SVOPL: variants seen among roughly 807,000 people sequenced by gnomAD.
SVOPL encodes SVOP like.
SVOPL carries 60 observed loss-of-function variants against 61.0 expected under a neutral mutation model. The ratio of observed to expected loss-of-function variants is 0.98; its 90% confidence interval spans 0.80 to 1.22. SVOPL has a LOEUF of 1.22. SVOPL is among the 50% of genes most tolerant of loss of function. The pLI is 0.00. For synonymous variants in SVOPL, 279 were observed against 250.0 expected, an observed-to-expected ratio of 1.12 and a Z score of -1.09; for missense variants, 662 against 643.9, an observed-to-expected ratio of 1.03 and a Z score of -0.30.
intron 1 of SVOPL, 122 bp from the exon 2 acceptor site, chr7:138,679,201 AT>A: frequency 3.1e-6 from 2 of 639,032 alleles, no homozygotes; most frequent in Non-Finnish European, 2.7e-6. Context: ...TGAGGTATGT[AT>A]TTTTATCCTC....
intron 1 of SVOPL, among the ~76,000 whole-genome samples, chr7:138,689,790 G>A (rs1802899989): frequency 6.6e-6 from 1 of 150,782 alleles, no homozygotes; most frequent in Non-Finnish European, 1.5e-5. Context: ...CTGGGAGGTG[G>A]AGGTTGCAGT....
At chr7:138,688,330 C>T (rs7804386) in intron 1 of SVOPL, among the ~76,000 whole-genome samples, 77,238 of 151,518 alleles carry the variant, frequency 0.51, 21,806 homozygotes, top group African/African-American at 0.76. Context: ...AGTGCAGTGG[C>T]ATGTTCCTGG....
At chr7:138,603,392 A>G (rs1350915674) in intron 14 of SVOPL, among the ~76,000 whole-genome samples, 3 of 152,196 alleles carry the variant, frequency 2.0e-5, no homozygotes, top group African/African-American at 7.2e-5. Flanking sequence ...TTTTAAGATC[A>G]GCTAAAGCAG....
chr7:138,622,066 C>G (rs368735165), intron 13 of SVOPL, among the ~76,000 whole-genome samples: 25 of 38,108 alleles, frequency 6.6e-4, no homozygotes, highest in African/African-American at 1.7e-3. Context: ...ATCTATCTAT[C>G]TATGTATCTA....
chr7:138,637,475 GATATAGAT>G (rs1452542724), intron 9 of SVOPL, among the ~76,000 whole-genome samples: 3 of 14,134 alleles, frequency 2.1e-4, no homozygotes, highest in African/African-American at 8.5e-4. Flanking sequence ...TATAGATATA[GATATAGAT>G]ATAGATAGAT....
At chr7:138,640,351 C>A (rs946359738) in intron 9 of SVOPL, among the ~76,000 whole-genome samples, 3 of 152,042 alleles carry the variant, frequency 2.0e-5, no homozygotes, top group African/African-American at 7.2e-5. Context: ...ACTGCCTCAG[C>A]CTCCCGAGTA....
chr7:138,675,747 C>T (rs979720499), intron 3 of SVOPL, among the ~76,000 whole-genome samples: 8 of 152,214 alleles, frequency 5.3e-5, no homozygotes, highest in East Asian at 1.9e-4. Context: ...GTATTTTTAC[C>T]CTCCGGCCCA....
chr7:138,680,163 ATTGTCT>A, intron 1 of SVOPL, among the ~76,000 whole-genome samples: 1 of 145,694 alleles, frequency 6.9e-6, no homozygotes, highest in East Asian at 2.0e-4. Flanking sequence ...CTTGCATGTC[ATTGTCT>A]TTTTTTTTTT....
intron 1 of SVOPL, among the ~76,000 whole-genome samples, chr7:138,690,326 G>C (rs11975918): frequency 0.46 from 69,414 of 151,810 alleles, 18,170 homozygotes; most frequent in African/African-American, 0.71. Context: ...GGCGTGATCT[G>C]AGCTCACTGT....
chr7:138,648,380 G>A (rs561279947), intron 8 of SVOPL, among the ~76,000 whole-genome samples: 28 of 151,938 alleles, frequency 1.8e-4, no homozygotes, highest in Non-Finnish European at 3.1e-4. Context: ...TGCCAAGATG[G>A]GCGGATCACT....
At chr7:138,670,706 T>C (rs774872024) in intron 4 of SVOPL, among the ~76,000 whole-genome samples, 1 of 152,210 alleles carries the variant, frequency 6.6e-6, no homozygotes, top group Non-Finnish European at 1.5e-5. Flanking sequence ...CTATGTCTAT[T>C]AAACATGTTC....
chr7:138,656,247 C>T (rs1266975661), intron 7 of SVOPL, among the ~76,000 whole-genome samples: 1 of 152,194 alleles, frequency 6.6e-6, no homozygotes, highest in African/African-American at 2.4e-5. Flanking sequence ...TGCTACTGCA[C>T]ACTTACTAGA....
intron 15 of SVOPL, 105 bp downstream of exon 15, chr7:138,596,312 T>C (rs1468471917): frequency 3.3e-6 from 3 of 920,584 alleles, no homozygotes; most frequent in Non-Finnish European, 4.8e-6. Flanking sequence ...AAATCTGATA[T>C]GAATTATTAG....
chr7:138,681,733 G>A (rs989854569), intron 1 of SVOPL, among the ~76,000 whole-genome samples: 2 of 152,166 alleles, frequency 1.3e-5, no homozygotes, highest in Admixed American at 6.6e-5. Context: ...TGAGGCATGA[G>A]AATTGCTTGA....
At chr7:138,641,392 T>A (rs1800774975) in intron 9 of SVOPL, among the ~76,000 whole-genome samples, 1 of 152,036 alleles carries the variant, frequency 6.6e-6, no homozygotes, top group Admixed American at 6.6e-5. Flanking sequence ...CAGCCTCAGC[T>A]GGGCGCGGGG....
chr7:138,606,634 A>AT (rs956703962), intron 14 of SVOPL, among the ~76,000 whole-genome samples: 1 of 152,070 alleles, frequency 6.6e-6, no homozygotes, highest in African/African-American at 2.4e-5. Context: ...CTACAGCTTG[A>AT]TTTTTTAGGC....
At chr7:138,648,403 T>A (rs186800335) in intron 8 of SVOPL, among the ~76,000 whole-genome samples, 1 of 150,796 alleles carries the variant, frequency 6.6e-6, no homozygotes, top group Non-Finnish European at 1.5e-5. Context: ...AGGCCAGGAG[T>A]TCAAGATCAG....
chr7:138,697,601 G>C (rs1355263937), intron 1 of SVOPL, among the ~76,000 whole-genome samples: 1 of 117,340 alleles, frequency 8.5e-6, no homozygotes, highest in Non-Finnish European at 1.6e-5. Context: ...AACAGAGGCA[G>C]ACCCTGCCTC....
At chr7:138,669,895 T>C (rs1022579701) in intron 4 of SVOPL, among the ~76,000 whole-genome samples, 1 of 152,148 alleles carries the variant, frequency 6.6e-6, no homozygotes, top group East Asian at 1.9e-4. Context: ...GAAGGGAAGT[T>C]TTCCCTTGGC....
Sources: allele counts gnomAD v4.1 joint callset (sites outside exome capture counted in the v4.1 genomes callset), GRCh38; gene constraint gnomAD v4.1.1; transcripts MANE v1.5; gene names NCBI Gene and HGNC (gene_info 2026-07-23, HGNC 2026-07-21).